The following SPINT2 variants were observed in gnomAD, a reference collection of about 807,000 sequenced individuals.
SPINT2 encodes the protein serine peptidase inhibitor, Kunitz type 2.
In SPINT2, 18 loss-of-function variants were observed where a neutral mutation model predicts 30.1. The ratio of observed to expected loss-of-function variants is 0.60; its 90% CI spans 0.41 to 0.89. SPINT2 has a LOEUF of 0.89. Ranked by LOEUF, SPINT2 falls within the 40% of genes least tolerant of loss-of-function variation. The pLI is 0.00. For synonymous variants in SPINT2, 139 were observed against 137.9 expected, an observed-to-expected ratio of 1.01 and a Z score of -0.05; for missense variants, 276 against 334.3, an observed-to-expected ratio of 0.83 and a Z score of 1.36.
At chr19:38,288,948 A>T (rs1448928631) in intron 3 of SPINT2, 190 bp from the exon 4 acceptor site, 3 of 598,174 alleles carry the variant, frequency 5.0e-6, no homozygotes, top group Non-Finnish European at 9.0e-6. Context: ...CACCACATCC[A>T]GCACTCTCAG....
At chr19:38,265,036 GGGGCAGA>G in intron 1 of SPINT2, 38 bp downstream of exon 1, 11 of 1,506,262 alleles carry the variant, frequency 7.3e-6, no homozygotes, top group Non-Finnish European at 8.9e-6. Flanking sequence ...CGGGGCGCAG[GGGGCAGA>G]GGCTCGGGGG....
intron 1 of SPINT2, among the ~76,000 whole-genome samples, chr19:38,274,225 C>CA (rs34817794): frequency 0.28 from 38,687 of 136,316 alleles, 5,551 homozygotes; most frequent in East Asian, 0.56. Flanking sequence ...GTCCCTGTCT[C>CA]AAAAAAAAAA....
Position 38,292,185 on chromosome 19 carries a change from G to A in SPINT2, c.*179G>A. 3.8e-6 allele frequency: 3 copies of A among 787,264 alleles called. No individual in the cohort carries two copies. In the South Asian group the frequency reaches 5.0e-5, roughly 13 times the overall value. 48.8% of individuals were successfully genotyped at this position (787,264 alleles called of 1,614,324 possible). Reference sequence around the variant, plus strand: ...GTTTGCTTTGGAAATCCTCTAGGAGGCTCCTCCTCGCATGGCCTGCAGTCT... The same window carrying A: ...GTTTGCTTTGGAAATCCTCTAGGAGACTCCTCCTCGCATGGCCTGCAGTCT... On this transcript the variant is annotated 3_prime_UTR_variant, in exon 7 of 7. Coordinates refer to ENST00000301244, the MANE Select transcript of SPINT2 (RefSeq NM_021102.4).
At chr19:38,265,621 G>C (rs897028342) in intron 1 of SPINT2, 1 of 152,380 alleles carries the variant, frequency 6.6e-6, no homozygotes. Flanking sequence ...CTTTGGATTG[G>C]CCCTTAGAAG....
At chr19:38,289,974 G>A in intron 4 of SPINT2, 145 bp from the exon 5 acceptor site, 1 of 903,152 alleles carries the variant, frequency 1.1e-6, no homozygotes, top group South Asian at 1.4e-5. Context: ...CGCTGCACTG[G>A]TCTTGGGTGT....
chr19:38,288,976 T>G, intron 3 of SPINT2, 162 bp from the exon 4 acceptor site: 1 of 686,714 alleles, frequency 1.5e-6, no homozygotes, highest in Non-Finnish European at 2.7e-6. Flanking sequence ...GTAGAGCCCA[T>G]TAGGGCTGGG....
intron 1 of SPINT2, among the ~76,000 whole-genome samples, chr19:38,265,797 A>T (rs1258139839): frequency 2.0e-5 from 3 of 152,360 alleles, no homozygotes; most frequent in Non-Finnish European, 4.4e-5. Context: ...AGCAAAACTT[A>T]CTGAGGCCCT....
intron 1 of SPINT2, among the ~76,000 whole-genome samples, chr19:38,269,348 A>G (rs1227469043): frequency 6.7e-6 from 1 of 148,172 alleles, no homozygotes; most frequent in East Asian, 2.0e-4. Flanking sequence ...CTTCTTGGGA[A>G]TTTCCACTGG....
intron 1 of SPINT2, among the ~76,000 whole-genome samples, chr19:38,271,129 T>G (rs906155310): frequency 1.1e-4 from 16 of 152,194 alleles, no homozygotes; most frequent in African/African-American, 3.9e-4. Flanking sequence ...GCAGGTGAAG[T>G]AGGAGCTAGA....
intron 1 of SPINT2, among the ~76,000 whole-genome samples, chr19:38,279,974 TCTC>T (rs1368683866): frequency 6.6e-6 from 1 of 152,166 alleles, no homozygotes; most frequent in African/African-American, 2.4e-5. Context: ...GTTTCTAAAT[TCTC>T]CTGGGACAAC....
chr19:38,286,193 A>AGGCT (rs1293561591), intron 2 of SPINT2, among the ~76,000 whole-genome samples: 1 of 152,210 alleles, frequency 6.6e-6, no homozygotes, highest in African/African-American at 2.4e-5. Context: ...CCAGGCAGGC[A>AGGCT]GGCTCTGTGG....
At chr19:38,276,948 G>A (rs574206013) in intron 1 of SPINT2, among the ~76,000 whole-genome samples, 4 of 151,940 alleles carry the variant, frequency 2.6e-5, no homozygotes, top group Admixed American at 6.5e-5. Flanking sequence ...CTACAGGCAC[G>A]TGCTACCACA....
chr19:38,281,078 G>C (rs561012851), intron 1 of SPINT2, among the ~76,000 whole-genome samples: 2 of 152,114 alleles, frequency 1.3e-5, no homozygotes, highest in South Asian at 2.1e-4. Context: ...TCTTCATCTC[G>C]TCTTGTTGGT....
chr19:38,287,768 AAGG>A (rs1421907237), intron 2 of SPINT2, 105 bp from the exon 3 acceptor site: 1 of 1,200,458 alleles, frequency 8.3e-7, no homozygotes, highest in Non-Finnish European at 1.2e-6. Flanking sequence ...GTCCCATGTA[AAGG>A]AGAAGTGGAT....
intron 1 of SPINT2, among the ~76,000 whole-genome samples, chr19:38,271,987 T>C (rs913221096): frequency 6.6e-6 from 1 of 151,996 alleles, no homozygotes; most frequent in Non-Finnish European, 1.5e-5. Flanking sequence ...ACGCTTGTAA[T>C]CCCAGCACTT....
intron 1 of SPINT2, among the ~76,000 whole-genome samples, chr19:38,275,862 G>A (rs1167953899): frequency 6.6e-6 from 1 of 151,824 alleles, no homozygotes; most frequent in African/African-American, 2.4e-5. Context: ...AGAATAGCTG[G>A]GATTACAGGC....
intron 1 of SPINT2, among the ~76,000 whole-genome samples, chr19:38,283,274 C>T (rs1600345326): frequency 6.6e-6 from 1 of 152,274 alleles, no homozygotes; most frequent in Middle Eastern, 3.4e-3. Flanking sequence ...GAGATCGAGT[C>T]ACCACACTCC....
intron 1 of SPINT2, among the ~76,000 whole-genome samples, chr19:38,277,447 G>C (rs183907970): frequency 6.6e-6 from 1 of 151,958 alleles, no homozygotes; most frequent in South Asian, 2.1e-4. Flanking sequence ...CAATTTGCTC[G>C]TCTCAGCCTC....
chr19:38,283,037 C>T (rs1968598174), intron 1 of SPINT2, among the ~76,000 whole-genome samples: 1 of 150,692 alleles, frequency 6.6e-6, no homozygotes, highest in African/African-American at 2.4e-5. Flanking sequence ...TTCCATTGGG[C>T]GTAGTGGCTC....
Sources: gnomAD v4.1 joint callset for allele counts (sites outside exome capture counted in the v4.1 genomes callset) on GRCh38, gnomAD v4.1.1 for gene constraint, MANE v1.5 for transcripts, NCBI Gene and HGNC (gene_info 2026-07-23, HGNC 2026-07-21) for gene names.